MRTFA: variants seen among roughly 807,000 people sequenced by gnomAD.
MRTFA encodes the protein myocardin-related transcription factor A.
In MRTFA, 20 loss-of-function variants were observed where a neutral mutation model predicts 83.5. That is an observed-to-expected ratio of 0.24 (90% CI 0.17 to 0.35). The LOEUF is 0.35. Ranked by LOEUF, MRTFA falls within the 10% of genes least tolerant of loss-of-function variation. The pLI is 1.00. For missense variants in MRTFA, 1,200 were observed against 1,224.7 expected (o/e 0.98, Z 0.30); for synonymous variants, 659 against 541.2 (o/e 1.22, Z -3.02).
chr22:40,587,354 G>T (rs1271602144), intron 2 of MRTFA: 1 of 413,530 alleles, frequency 2.4e-6, no homozygotes, highest in South Asian at 1.9e-5. Flanking sequence ...GTTTCGGAAG[G>T]CTTTGACAAT....
At chr22:40,595,064 T>C (rs1443180456) in intron 1 of MRTFA, among the ~76,000 whole-genome samples, 2 of 151,744 alleles carry the variant, frequency 1.3e-5, no homozygotes, top group African/African-American at 4.8e-5. Context: ...TATATCCAAA[T>C]GACAATTGTC....
chr22:40,520,827 T>C (rs1431142565), intron 3 of MRTFA, among the ~76,000 whole-genome samples: 3 of 152,210 alleles, frequency 2.0e-5, no homozygotes, highest in Non-Finnish European at 4.4e-5. Flanking sequence ...GTGGGTTGTT[T>C]CCACTTTTTA....
At chr22:40,557,866 C>T (rs1029490897) in intron 2 of MRTFA, among the ~76,000 whole-genome samples, 36 of 151,744 alleles carry the variant, frequency 2.4e-4, no homozygotes, top group African/African-American at 7.5e-4. Flanking sequence ...CTCCACCTCC[C>T]GGCCTCAAGC....
In MRTFA at chr22:40,427,259, G is replaced by A. The variant is rs540379987; in HGVS notation, c.601+2347C>T. On this transcript the variant is annotated intron_variant, in intron 7 of 14. Transcript: ENST00000355630. ...ACCACTGAGATGAGGCAGGATGAACGCCAGGGAAAATCTGTGAATTATAAG... is the reference window on the plus strand; with the variant it reads ...ACCACTGAGATGAGGCAGGATGAACACCAGGGAAAATCTGTGAATTATAAG... 5.9e-5 allele frequency among the ~76,000 whole-genome samples: 9 copies of A among 152,266 alleles called. No homozygotes were observed. In the South Asian group the frequency reaches 1.0e-3, roughly 18 times the overall value.
chr22:40,581,252 C>G (rs1350424871), intron 2 of MRTFA, among the ~76,000 whole-genome samples: 1 of 152,198 alleles, frequency 6.6e-6, no homozygotes, highest in Non-Finnish European at 1.5e-5. Context: ...TTCTCTGTAG[C>G]TTCCAAATTT....
intron 1 of MRTFA, among the ~76,000 whole-genome samples, chr22:40,625,705 G>A (rs891139183): frequency 3.3e-5 from 5 of 152,102 alleles, no homozygotes; most frequent in African/African-American, 7.2e-5. Flanking sequence ...CTTGAACCCC[G>A]GAGGCAGAGA....
At chr22:40,535,582 A>C (rs1235697240) in intron 3 of MRTFA, among the ~76,000 whole-genome samples, 1 of 151,958 alleles carries the variant, frequency 6.6e-6, no homozygotes, top group African/African-American at 2.4e-5. Context: ...CGAACTCCTA[A>C]GCTCAAGTGA....
intron 4 of MRTFA, among the ~76,000 whole-genome samples, chr22:40,445,172 T>G (rs1227056231): frequency 6.6e-6 from 1 of 152,172 alleles, no homozygotes; most frequent in East Asian, 1.9e-4. Flanking sequence ...TCCCTCAATT[T>G]TGCACTTTTC....
chr22:40,552,656 T>A (rs1161721638), intron 2 of MRTFA, among the ~76,000 whole-genome samples: 2 of 152,212 alleles, frequency 1.3e-5, no homozygotes. Context: ...CCACCATGAT[T>A]GTAAGTTCCT....
chr22:40,518,945 T>C (rs9611367), intron 3 of MRTFA, among the ~76,000 whole-genome samples: 46,344 of 151,650 alleles, frequency 0.31, 7,856 homozygotes, highest in East Asian at 0.63. Context: ...TCTAGACATA[T>C]GTCTCTTTTA....
chr22:40,417,126 C>T, intron 13 of MRTFA, 80 bp from the exon 14 acceptor site: 1 of 1,471,602 alleles, frequency 6.8e-7, no homozygotes, highest in Non-Finnish European at 9.2e-7. Flanking sequence ...TGAGGCCCCT[C>T]CCTCTGCCCC....
In MRTFA at chr22:40,419,141, C is replaced by G. The variant is rs758579932; in HGVS notation, c.1597G>C (p.Val533Leu). ...ACCCCACTGCTGGCCACCGTGGCCA[C>G]CACCACCTCAGCTGGAGCCAGGCCT... The change falls in exon 12 of 15, where the codon GTG becomes CTG. Residue 533 changes from valine to leucine, a missense_variant. By Grantham distance (32) the Val-to-Leu change is conservative. This residue lies in a region of MRTFA where 1,107 missense variants were observed against 1,041.8 expected (regional missense o/e 1.06). Transcript: ENST00000355630. 52 of 1,587,022 alleles carry G rather than the reference C, an allele frequency of 3.3e-5. No homozygotes were observed. The highest frequency in any genetic ancestry group is 9.3e-5 in the East Asian group (4 of 43,026).
intron 8 of MRTFA, 77 bp from the exon 9 acceptor site, chr22:40,423,762 G>T (rs1200509000): frequency 7.4e-7 from 1 of 1,343,800 alleles, no homozygotes; most frequent in Non-Finnish European, 9.9e-7. Flanking sequence ...CCCTACACAG[G>T]GTCCTCAGAC....
At chr22:40,445,079 A>G (rs2053350767) in intron 4 of MRTFA, among the ~76,000 whole-genome samples, 1 of 152,166 alleles carries the variant, frequency 6.6e-6, no homozygotes. Context: ...ATAAATAAAT[A>G]AAAATTATCA....
chr22:40,455,683 A>T (rs1602270414), intron 4 of MRTFA, among the ~76,000 whole-genome samples: 1 of 144,590 alleles, frequency 6.9e-6, no homozygotes. Context: ...GTGGAGGGTG[A>T]GGAGTGGGGT....
At chr22:40,508,514 A>C (rs1016943722) in intron 3 of MRTFA, among the ~76,000 whole-genome samples, 8 of 75,822 alleles carry the variant, frequency 1.1e-4, no homozygotes, top group African/African-American at 2.0e-4. Flanking sequence ...TCCGTCTCTC[A>C]AAAAAAAAAA....
At chr22:40,446,317 T>C (rs998267941) in intron 4 of MRTFA, among the ~76,000 whole-genome samples, 10 of 152,232 alleles carry the variant, frequency 6.6e-5, no homozygotes, top group Non-Finnish European at 1.5e-4. Flanking sequence ...ACTGCATTTT[T>C]ATGATCACTC....
At chr22:40,564,663 T>C (rs1301788255) in intron 2 of MRTFA, among the ~76,000 whole-genome samples, 1 of 152,140 alleles carries the variant, frequency 6.6e-6, no homozygotes, top group Non-Finnish European at 1.5e-5. Flanking sequence ...TTTATTATTA[T>C]TATTTTGGAG....
At chr22:40,428,247 G>T (rs1392599125) in intron 7 of MRTFA, among the ~76,000 whole-genome samples, 3 of 152,144 alleles carry the variant, frequency 2.0e-5, no homozygotes, top group African/African-American at 7.2e-5. Context: ...TAAGTCTTGT[G>T]GGACTGAGTC....
Sources: gnomAD v4.1 joint callset for allele counts (sites outside exome capture counted in the v4.1 genomes callset) on GRCh38, gnomAD v4.1.1 for gene constraint, gnomAD v4.1.1 regional missense constraint, MANE v1.5 for transcripts, NCBI Gene and HGNC (gene_info 2026-07-23, HGNC 2026-07-21) for gene names.